The following DCC variants were observed in gnomAD, a reference collection of about 807,000 sequenced individuals.
DCC encodes the protein netrin receptor DCC.
In DCC, 58 loss-of-function variants were observed where a neutral mutation model predicts 172.5. That is an observed-to-expected ratio of 0.34 (90% confidence interval 0.27 to 0.42). The LOEUF (loss-of-function observed/expected upper bound fraction) is 0.42, where lower values mean the gene tolerates loss of function less well. Ranked by LOEUF, DCC falls within the 10% of genes least tolerant of loss-of-function variation. The pLI, the probability that DCC is intolerant of heterozygous loss-of-function variation, is 1.00. For missense variants in DCC, 1,740 were observed against 1,791.0 expected (o/e 0.97, Z 0.51); for synonymous variants, 709 against 644.5 (o/e 1.10, Z -1.52).
intron 5 of DCC, among the ~76,000 whole-genome samples, chr18:52,969,084 G>A (rs1298713765): frequency 6.6e-6 from 1 of 151,768 alleles, no homozygotes; most frequent in Non-Finnish European, 1.5e-5. Flanking sequence ...AGTTATTCTT[G>A]TTCTCTAGGG....
rs544393412 is a variant in DCC, at chr18:53,160,616, A to G, written c.1418+3104A>G. 4.3e-4 allele frequency among the ~76,000 whole-genome samples: 65 copies of G among 152,274 alleles called. 2 individuals carry two copies. The South Asian group carries it at 0.013, about 32-fold the overall frequency. On this transcript the variant is annotated intron_variant, in intron 8 of 28. Transcript: ENST00000442544. ...AGGTGTAACTGGGCTGATTCGTCTC[A>G]CTTTAAATTCATAGCTACTAATCTC...
At chr18:52,562,249 G>A (rs2033057024) in intron 1 of DCC, among the ~76,000 whole-genome samples, 1 of 152,280 alleles carries the variant, frequency 6.6e-6, no homozygotes, top group Non-Finnish European at 1.5e-5. Context: ...GAGGGGAAGA[G>A]TTTTGGAAAG....
chr18:52,923,818 G>A lies in DCC; in HGVS notation c.809G>A (p.Ser270Asn). Residue 270 changes from serine to asparagine, a missense_variant, in exon 4 of 29, where the codon AGT (serine) becomes AAT (asparagine). Around this residue, in one of 2 missense-constraint regions of DCC, gnomAD observed 1,732 missense variants for 1,767.4 expected, o/e 0.98. Transcript: ENST00000442544. ...TGTGTTTCTGGCTATCCTCCACCAA[G>A]TTTTACCTGGTTACGAGGCGAGGAA... is the stretch of plus-strand genomic sequence containing the variant. ...ECCVSGYPPP[S>N]FTWLRGEEVI... 6.2e-7 allele frequency: 1 copy of A among 1,613,430 alleles called. No homozygotes were observed. The highest frequency in any genetic ancestry group is 8.5e-7 in the Non-Finnish European group (1 of 1,179,600).
chr18:52,554,854 T>A, intron 1 of DCC, among the ~76,000 whole-genome samples: 1 of 152,214 alleles, frequency 6.6e-6, no homozygotes, highest in East Asian at 1.9e-4. Context: ...CAGGAGGACA[T>A]AGTTTCTGCT....
chr18:52,533,493 T>G (rs1354441908), intron 1 of DCC, among the ~76,000 whole-genome samples: 2 of 152,090 alleles, frequency 1.3e-5, no homozygotes, highest in African/African-American at 4.8e-5. Flanking sequence ...AATCAAACAT[T>G]ATTTAATCTT....
chr18:53,223,780 A>C (rs1272742134), intron 12 of DCC, among the ~76,000 whole-genome samples: 2 of 152,180 alleles, frequency 1.3e-5, no homozygotes, highest in Non-Finnish European at 2.9e-5. Context: ...ACAACTTTTA[A>C]AATGCAAGCA....
At chr18:52,400,548 G>T (rs1341972598) in intron 1 of DCC, among the ~76,000 whole-genome samples, 1 of 151,922 alleles carries the variant, frequency 6.6e-6, no homozygotes, top group Non-Finnish European at 1.5e-5. Context: ...ATTCCTCAAG[G>T]ATCTAGAACC....
At chr18:52,539,619 G>T (rs573172102) in intron 1 of DCC, among the ~76,000 whole-genome samples, 1 of 152,242 alleles carries the variant, frequency 6.6e-6, no homozygotes, top group South Asian at 2.1e-4. Context: ...CTGAATCCAT[G>T]CCCCCGGCCC....
At chr18:52,520,290 G>C (rs1405455057) in intron 1 of DCC, among the ~76,000 whole-genome samples, 2 of 152,132 alleles carry the variant, frequency 1.3e-5, no homozygotes, top group Non-Finnish European at 2.9e-5. Flanking sequence ...TCCTATGAAT[G>C]GTCACTCCCA....
At chr18:52,679,687 T>C (rs2035709758) in intron 1 of DCC, among the ~76,000 whole-genome samples, 1 of 152,170 alleles carries the variant, frequency 6.6e-6, no homozygotes, top group South Asian at 2.1e-4. Context: ...CTTATGAAAC[T>C]TCCTGGCAGT....
At chr18:53,123,823 G>A (rs748732163) in intron 7 of DCC, among the ~76,000 whole-genome samples, 7 of 151,816 alleles carry the variant, frequency 4.6e-5, no homozygotes, top group East Asian at 1.9e-4. Context: ...TTTTCTCCAC[G>A]TTTTCTTGCT....
chr18:52,544,822 A>G (rs1192466450), intron 1 of DCC, among the ~76,000 whole-genome samples: 3 of 152,164 alleles, frequency 2.0e-5, no homozygotes, highest in African/African-American at 7.2e-5. Context: ...TTGTCTGGAA[A>G]AGTTAAGAGT....
At chr18:53,427,251 T>G (rs1422597904) in intron 21 of DCC, among the ~76,000 whole-genome samples, 4 of 152,118 alleles carry the variant, frequency 2.6e-5, no homozygotes. Flanking sequence ...AAGACTAAGC[T>G]GCATATAAAA....
chr18:53,062,954 A>G (rs1052983085), intron 5 of DCC, among the ~76,000 whole-genome samples: 3 of 152,082 alleles, frequency 2.0e-5, no homozygotes, highest in Admixed American at 2.0e-4. Context: ...TCTTTACTTT[A>G]TCAGAATAGT....
chr18:53,114,860 C>CAG (rs1373613427), intron 7 of DCC, among the ~76,000 whole-genome samples: 21 of 151,474 alleles, frequency 1.4e-4, no homozygotes, highest in African/African-American at 5.1e-4. Context: ...AAATGGAATA[C>CAG]AGATGAAGAA....
intron 3 of DCC, among the ~76,000 whole-genome samples, chr18:52,922,640 C>A (rs8097919): frequency 0.39 from 59,657 of 152,000 alleles, 12,324 homozygotes; most frequent in Non-Finnish European, 0.47. Context: ...TGTGGATTTT[C>A]ATGGGTACTT....
chr18:53,126,296 T>C (rs141024128), intron 7 of DCC, among the ~76,000 whole-genome samples: 1 of 152,150 alleles, frequency 6.6e-6, no homozygotes, highest in Non-Finnish European at 1.5e-5. Context: ...GTGCCTAGGA[T>C]TTTTGAGAAG....
At chr18:52,695,691 C>T (rs1196657075) in intron 1 of DCC, among the ~76,000 whole-genome samples, 2 of 152,126 alleles carry the variant, frequency 1.3e-5, no homozygotes, top group African/African-American at 4.8e-5. Flanking sequence ...AGATGGATAA[C>T]TGGGGAGTAT....
intron 2 of DCC, among the ~76,000 whole-genome samples, chr18:52,809,000 G>A (rs1160691984): frequency 1.3e-5 from 2 of 152,128 alleles, no homozygotes; most frequent in African/African-American, 2.4e-5. Flanking sequence ...CTACAAAAGC[G>A]TATGCCTGGG....
Sources: allele counts gnomAD v4.1 joint callset (sites outside exome capture counted in the v4.1 genomes callset), GRCh38; gene constraint gnomAD v4.1.1; regional missense constraint gnomAD v4.1.1; transcripts MANE v1.5; gene names NCBI Gene and HGNC (gene_info 2026-07-23, HGNC 2026-07-21).